Variants in RABEP2 observed in about 807,000 individuals in gnomAD.
RABEP2 encodes rab GTPase-binding effector protein 2.
RABEP2 carries 57 observed loss-of-function variants against 74.1 expected under a neutral mutation model. That is an observed-to-expected ratio of 0.77 (90% CI 0.62 to 0.96). The LOEUF (loss-of-function observed/expected upper bound fraction) is 0.96. RABEP2 is among the 40% of genes least tolerant of loss of function. The pLI, the probability that RABEP2 is intolerant of heterozygous loss-of-function variation, is 0.00. For missense variants in RABEP2, 692 were observed against 756.3 expected, an observed-to-expected ratio of 0.91 and a Z score of 1.00; for synonymous variants, 351 against 344.0, an observed-to-expected ratio of 1.02 and a Z score of -0.23.
Position 28,914,392 on chromosome 16 carries a change from G to C in RABEP2, c.738C>G (p.Ser246Arg), listed in dbSNP as rs752865997. 6.2e-7 allele frequency: 1 copy of C among 1,613,234 alleles called. No homozygotes were observed. The highest frequency in any genetic ancestry group is 8.5e-7 in the Non-Finnish European group (1 of 1,179,966). Reference protein sequence around the residue: ...SFSLGGGVGSSSSLPQSRQGL... With the variant: ...SFSLGGGVGSRSSLPQSRQGL... ...CCTGGCGGCTTTGGGGCAGGGAGGA[G>C]CTGCTGCCGACCCCACCGCCAAGGG... Residue 246 changes from serine (S) to arginine (R), a missense_variant, in exon 5 of 13, where the codon AGC becomes AGG. Transcript: ENST00000358201.
At position 28,914,245 on chromosome 16, in the gene RABEP2, C is replaced by T; in HGVS notation, c.885G>A (p.Leu295=). 1 of 1,600,292 alleles carries T rather than the reference C, an allele frequency of 6.2e-7. No individual in the cohort carries two copies. The highest frequency in any genetic ancestry group is 8.5e-7 in the Non-Finnish European group (1 of 1,174,054). The change falls in exon 5 of 13, where the codon CTG becomes CTA. Residue 295 remains leucine, a synonymous_variant. Transcript: ENST00000358201. Reference sequence around the variant, plus strand: ...TGCCCACAACACTCACCTCTGTCTGCAGCTGCTCCCACTGAGTGTCTGGGA... The same window carrying T: ...TGCCCACAACACTCACCTCTGTCTGTAGCTGCTCCCACTGAGTGTCTGGGA... The part of the protein sequence containing the change: ...QLVPDTQWEQ[L]QTEGRQLQKD...
chr16:28,924,275 T>C (rs1964504803), intron 2 of RABEP2, 128 bp downstream of exon 2: 3 of 890,402 alleles, frequency 3.4e-6, no homozygotes, highest in African/African-American at 1.7e-5. Context: ...CTCTGGGCCA[T>C]AGGCATGCCC....
chr16:28,906,872 T>C (rs537576539), intron 8 of RABEP2, among the ~76,000 whole-genome samples: 12 of 152,212 alleles, frequency 7.9e-5, no homozygotes, highest in Non-Finnish European at 1.2e-4. Context: ...GGCAGGAGAA[T>C]TGCTTGACCC....
chr16:28,919,536 T>A (rs371950819), intron 3 of RABEP2, among the ~76,000 whole-genome samples: 1 of 152,228 alleles, frequency 6.6e-6, no homozygotes, highest in East Asian at 1.9e-4. Context: ...TACCCTTAAG[T>A]GTAAGTTCCC....
chr16:28,922,308 C>T (rs532288414), intron 2 of RABEP2, among the ~76,000 whole-genome samples: 3 of 152,304 alleles, frequency 2.0e-5, no homozygotes, highest in East Asian at 1.9e-4. Flanking sequence ...TCAGCTGGGC[C>T]GGGCGTGCTG....
chr16:28,925,070 G>T, intron 1 of RABEP2, 33 bp downstream of exon 1: 5 of 1,524,858 alleles, frequency 3.3e-6, no homozygotes, highest in South Asian at 2.4e-5. Flanking sequence ...CAGCATCACC[G>T]TTCCCCGCTT....
rs752393531 is a variant in RABEP2 at position 28,905,708 on chromosome 16, C to T, written c.1487G>A (p.Ser496Asn). 2.5e-6 allele frequency: 4 copies of T among 1,613,890 alleles called. No homozygotes were observed. In the South Asian group the frequency reaches 3.3e-5, roughly 13 times the overall value. The change falls in exon 11 of 13, where the codon AGC (serine) becomes AAC (asparagine). Residue 496 changes from serine to asparagine, a missense_variant. Coordinates refer to ENST00000358201, the MANE Select transcript of RABEP2 (RefSeq NM_024816.3). Reference sequence around the variant, plus strand: ...TCCCCCTGCCCTCCCCCTCACCTTGCTCTGTTCCTGCTGCACCCGCTCCAT... The same window carrying T: ...TCCCCCTGCCCTCCCCCTCACCTTGTTCTGTTCCTGCTGCACCCGCTCCAT... Reference protein sequence around the residue: ...TEMERVQQEQSKAQLPDLLSE... With the variant: ...TEMERVQQEQNKAQLPDLLSE...
Position 28,924,523 on chromosome 16 carries a change from C to A in RABEP2, c.154G>T (p.Ala52Ser), listed in dbSNP as rs779477862. Residue 52 changes from alanine (A) to serine (S), a missense_variant, in exon 2 of 13, where the codon GCA becomes TCA. Ala to Ser is a moderately conservative substitution (Grantham distance 99). Transcript: ENST00000358201. ...ACAGCCTTCATGGTTTCCATTTCTG[C>A]CAGGGCGCCTGCCAGCTCAGCCCGA... ...RLRAELAGAL[A>S]EMETMKAVAE... 1.1e-5 allele frequency: 17 copies of A among 1,613,944 alleles called. No individual in the cohort carries two copies. Among genetic ancestry groups the A allele is most frequent in the Non-Finnish European group, 1.4e-5 (17 of 1,180,034 alleles).
chr16:28,921,504 G>A (rs1964467381), intron 2 of RABEP2, among the ~76,000 whole-genome samples: 1 of 151,992 alleles, frequency 6.6e-6, no homozygotes, highest in Non-Finnish European at 1.5e-5. Context: ...ATGTTGGAGG[G>A]ACTGGAACAG....
At chr16:28,906,966 AAAAAT>A (rs768827389) in intron 8 of RABEP2, among the ~76,000 whole-genome samples, 16 of 152,190 alleles carry the variant, frequency 1.1e-4, no homozygotes, top group South Asian at 4.1e-4. Context: ...CTCAAAAAAT[AAAAAT>A]AAAATAAAAT....
In RABEP2 at chr16:28,925,084, C is replaced by A. The variant is rs1036735008; in HGVS notation, c.61+19G>T. 1.4e-5 allele frequency: 22 copies of A among 1,549,602 alleles called. No individual in the cohort carries two copies. The African/African-American group carries it at 2.3e-4, about 16-fold the overall frequency. ...CCAGCATCACCGTTCCCCGCTTGCA[C>A]GGACGCCCCCTCACGTACCAGCCCC... On this transcript the variant is annotated intron_variant, in intron 1 of 12. Transcript: ENST00000358201.
intron 3 of RABEP2, among the ~76,000 whole-genome samples, chr16:28,918,925 A>C (rs1282554358): frequency 2.6e-5 from 4 of 152,196 alleles, no homozygotes; most frequent in Non-Finnish European, 5.9e-5. Flanking sequence ...GCCTCAAGCG[A>C]TCCTCCTGCC....
At chr16:28,908,875 A>G in intron 7 of RABEP2, 111 bp from the exon 8 acceptor site, 3 of 1,143,384 alleles carry the variant, frequency 2.6e-6, no homozygotes, top group Non-Finnish European at 3.7e-6. Context: ...GAGAGCCCAT[A>G]CCCTCTCTGT....
chr16:28,905,995 G>A (rs908157087), intron 9 of RABEP2, 24 bp downstream of exon 9: 1 of 1,609,198 alleles, frequency 6.2e-7, no homozygotes, highest in Non-Finnish European at 8.5e-7. Flanking sequence ...GCCCGGGGCT[G>A]GGGGCTTGTG....
At chr16:28,921,214 C>T (rs1342694329) in intron 2 of RABEP2, 5 of 455,802 alleles carry the variant, frequency 1.1e-5, no homozygotes, top group Non-Finnish European at 1.8e-5. Context: ...GAGCTGGGCT[C>T]TGGAAATACA....
chr16:28,912,196 AG>A (rs566320862), intron 5 of RABEP2, among the ~76,000 whole-genome samples: 1 of 57,752 alleles, frequency 1.7e-5, no homozygotes, highest in African/African-American at 2.3e-4. Context: ...CAGTGAGCCG[AG>A]AACCACACCA....
In RABEP2 at chr16:28,905,507, G is replaced by A; in HGVS notation, c.1498C>T (p.Leu500Phe). 1 of 1,611,064 alleles carries A rather than the reference G, an allele frequency of 6.2e-7. No individual in the cohort carries two copies. Among genetic ancestry groups the A allele is most frequent in the South Asian group, 1.1e-5 (1 of 90,320 alleles). The change falls in exon 12 of 13, where the codon CTC becomes TTC. Residue 500 changes from leucine to phenylalanine, a missense_variant. Transcript: ENST00000358201. ...RVQQEQSKAQ[L>F]PDLLSEQRAK... ...CTCTGTTCTGAGAGGAGGTCTGGGAGCTGGGCCTGCGGGGACAGACACCAC... is the reference window on the plus strand; with the variant it reads ...CTCTGTTCTGAGAGGAGGTCTGGGAACTGGGCCTGCGGGGACAGACACCAC...
At position 28,905,012 on chromosome 16, in the gene RABEP2, G is replaced by A; in HGVS notation, c.1641C>T (p.Thr547=). The change falls in exon 13 of 13, where the codon ACC becomes ACT. Residue 547 remains threonine, a synonymous_variant. Transcript: ENST00000358201. ...CCATGATGCTGCGCACTTGCTCCAG[G>A]GTCTCAGCCTGGCGGATCCGCTCTA... ...VRLERIRQAE[T]LEQVRSIMDE... is the part of the protein sequence containing the mutation. The A allele has an allele frequency of 1.9e-6, 3 of 1,610,934 alleles. No homozygotes were observed. The African/African-American group carries it at 4.0e-5, about 21-fold the overall frequency.
At chr16:28,924,728 G>A (rs1964511091) in intron 1 of RABEP2, 113 bp from the exon 2 acceptor site, 2 of 1,008,082 alleles carry the variant, frequency 2.0e-6, no homozygotes, top group Non-Finnish European at 3.0e-6. Flanking sequence ...TCCTTCACCT[G>A]GGCCCGCCCG....
Sources: allele counts gnomAD v4.1 joint callset (sites outside exome capture counted in the v4.1 genomes callset), GRCh38; gene constraint gnomAD v4.1.1; transcripts MANE v1.5; gene names NCBI Gene and HGNC (gene_info 2026-07-23, HGNC 2026-07-21).